ERI3: variants seen among roughly 807,000 people sequenced by gnomAD.
ERI3 encodes ERI1 exoribonuclease 3.
Under a neutral mutation model 44.4 loss-of-function variants are expected in ERI3, and 18 were observed. The observed-to-expected ratio is 0.41, with a 90% CI of 0.28 to 0.60. The LOEUF (loss-of-function observed/expected upper bound fraction) is 0.60. Ranked by LOEUF, ERI3 falls within the 20% of genes least tolerant of loss-of-function variation. The pLI, the probability that ERI3 is intolerant of heterozygous loss-of-function variation, is 0.36. For missense variants in ERI3, 294 were observed against 435.5 expected, an observed-to-expected ratio of 0.68 and a Z score of 2.89; for synonymous variants, 183 against 164.8, an observed-to-expected ratio of 1.11 and a Z score of -0.84.
At chr1:44,293,716 G>A (rs7527806) in intron 6 of ERI3, among the ~76,000 whole-genome samples, 2,802 of 152,290 alleles carry the variant, frequency 0.018, 32 homozygotes, top group African/African-American at 0.026. Context: ...GCCAGGAATC[G>A]AAACTAGGTC....
intron 5 of ERI3, among the ~76,000 whole-genome samples, chr1:44,310,940 GTATGTGCACATCGCGCGCGCGCGCACA>G (rs1645942922): frequency 7.0e-6 from 1 of 141,914 alleles, no homozygotes; most frequent in African/African-American, 2.6e-5. Flanking sequence ...CTCCTTGCAT[GTATGTGCACATCGCGCGCGCGCGCACA>G]CACACACACA....
At chr1:44,325,247 T>C (rs898724687) in intron 3 of ERI3, among the ~76,000 whole-genome samples, 48 of 151,888 alleles carry the variant, frequency 3.2e-4, no homozygotes, top group Admixed American at 3.2e-3. Flanking sequence ...CCGGCTATTT[T>C]TGTATTTTTA....
chr1:44,243,018 T>C (rs1186643659), intron 8 of ERI3, among the ~76,000 whole-genome samples: 1 of 152,214 alleles, frequency 6.6e-6, no homozygotes, highest in Non-Finnish European at 1.5e-5. Context: ...GTGACACCTC[T>C]CATGGGCACT....
intron 7 of ERI3, 72 bp from the exon 8 acceptor site, chr1:44,248,110 C>T (rs773688748): frequency 1.5e-5 from 15 of 979,192 alleles, no homozygotes; most frequent in Non-Finnish European, 2.1e-5. Flanking sequence ...AAGGTCTTCC[C>T]CCCACCCCCC....
At chr1:44,230,904 A>AT (rs1361446002) in intron 8 of ERI3, among the ~76,000 whole-genome samples, 2 of 152,292 alleles carry the variant, frequency 1.3e-5, no homozygotes, top group Admixed American at 1.3e-4. Context: ...ATTAAATCCA[A>AT]ATATCCCTTG....
intron 3 of ERI3, among the ~76,000 whole-genome samples, chr1:44,331,525 A>T (rs1225750729): frequency 3.3e-5 from 5 of 152,206 alleles, no homozygotes; most frequent in Non-Finnish European, 5.9e-5. Context: ...TTTATTGGGT[A>T]AAATGCTCTT....
At chr1:44,255,197 G>GTTA (rs1644756833) in intron 7 of ERI3, among the ~76,000 whole-genome samples, 1 of 152,124 alleles carries the variant, frequency 6.6e-6, no homozygotes, top group Non-Finnish European at 1.5e-5. Context: ...CTGTTCTCCT[G>GTTA]TTAACGACCA....
chr1:44,304,682 G>T (rs781010646), intron 6 of ERI3, among the ~76,000 whole-genome samples: 1 of 152,100 alleles, frequency 6.6e-6, no homozygotes, highest in Non-Finnish European at 1.5e-5. Context: ...GGTCTTGACC[G>T]CTTGACAGCA....
At chr1:44,290,254 A>T (rs1557823314) in intron 6 of ERI3, among the ~76,000 whole-genome samples, 1 of 152,172 alleles carries the variant, frequency 6.6e-6, no homozygotes, top group East Asian at 1.9e-4. Flanking sequence ...ATATGCAGAA[A>T]TGGGGGAGTA....
chr1:44,292,167 G>A (rs934306355), intron 6 of ERI3, among the ~76,000 whole-genome samples: 2 of 152,156 alleles, frequency 1.3e-5, no homozygotes, highest in African/African-American at 4.8e-5. Flanking sequence ...CAGTGCCTTG[G>A]TCAGGAAAAG....
chr1:44,319,593 C>T, intron 4 of ERI3, 35 bp downstream of exon 4: 5 of 1,496,596 alleles, frequency 3.3e-6, no homozygotes, highest in Non-Finnish European at 4.6e-6. Flanking sequence ...ATTCCCCTCC[C>T]AGCAGCCCCT....
intron 7 of ERI3, among the ~76,000 whole-genome samples, chr1:44,269,175 A>C (rs768240767): frequency 6.6e-6 from 1 of 152,236 alleles, no homozygotes; most frequent in African/African-American, 2.4e-5. Flanking sequence ...GGAAAGCCTA[A>C]GTTTCCATGA....
chr1:44,354,152 T>C, intron 1 of ERI3: 1 of 985,430 alleles, frequency 1.0e-6, no homozygotes, highest in Non-Finnish European at 1.2e-6. Flanking sequence ...CACAACCTAC[T>C]ATAGTTTGAA....
At chr1:44,298,613 T>C (rs1289244271) in intron 6 of ERI3, among the ~76,000 whole-genome samples, 6 of 152,258 alleles carry the variant, frequency 3.9e-5, no homozygotes, top group East Asian at 1.9e-4. Context: ...CATTATGTTA[T>C]GCAAAAGAAG....
intron 1 of ERI3, chr1:44,353,244 G>T (rs1470450131): frequency 6.1e-6 from 6 of 985,172 alleles, no homozygotes; most frequent in Admixed American, 6.2e-5. Flanking sequence ...GAAGACACTG[G>T]TAAGGCTGAC....
intron 1 of ERI3, chr1:44,354,351 C>T: frequency 1.0e-6 from 1 of 985,486 alleles, no homozygotes. Context: ...AGGGGCCCCA[C>T]ATCCAGCATC....
rs1401379161 is a variant in ERI3 at position 44,313,240 on chromosome 1, G to C, written c.607-12C>G. The stretch of plus-strand genomic sequence containing the variant: ...ATAATCCCGGTGAGCTGAAAGGAAA[G>C]AGAAATAGCCGATGGGTAGAAAACC... On this transcript the variant is annotated splice_polypyrimidine_tract_variant and intron_variant, in intron 4 of 8. Transcript: ENST00000372257. The C allele has an allele frequency of 6.2e-7, 1 of 1,613,804 alleles. No homozygotes were observed. The highest frequency in any genetic ancestry group is 1.3e-5 in the African/African-American group (1 of 74,910).
chr1:44,315,551 A>T (rs775212115), intron 4 of ERI3, among the ~76,000 whole-genome samples: 5 of 152,210 alleles, frequency 3.3e-5, no homozygotes, highest in Non-Finnish European at 7.3e-5. Flanking sequence ...GGGCTTTCAC[A>T]AACTCCACTC....
intron 7 of ERI3, among the ~76,000 whole-genome samples, chr1:44,268,754 T>G (rs1242638738): frequency 6.6e-6 from 1 of 152,190 alleles, no homozygotes; most frequent in Admixed American, 6.5e-5. Flanking sequence ...ACTTGGTGTC[T>G]GCCAAGACAA....
Sources: allele counts gnomAD v4.1 joint callset (sites outside exome capture counted in the v4.1 genomes callset), GRCh38; gene constraint gnomAD v4.1.1; transcripts MANE v1.5; gene names NCBI Gene and HGNC (gene_info 2026-07-23, HGNC 2026-07-21).